Variants in CDH23 observed in about 807,000 individuals in gnomAD.
The protein encoded by CDH23 is cadherin related 23, also known as cadherin-23.
In CDH23, 189 loss-of-function variants were observed where a neutral mutation model predicts 317.1. The ratio of observed to expected loss-of-function variants is 0.60; its 90% confidence interval spans 0.53 to 0.67. CDH23 has a LOEUF of 0.67. CDH23 is among the 30% of genes least tolerant of loss of function. CDH23 has a pLI of 0.00. For missense variants in CDH23, 4,401 were observed against 4,592.4 expected, an observed-to-expected ratio of 0.96 and a Z score of 1.20; for synonymous variants, 1,839 against 1,876.8, an observed-to-expected ratio of 0.98 and a Z score of 0.52.
intron 28 of CDH23, chr10:71,717,779 T>G (rs1381573145): frequency 6.6e-6 from 1 of 152,212 alleles, no homozygotes; most frequent in African/African-American, 2.4e-5. Flanking sequence ...AAATCTGGAT[T>G]TTTTTAAAGG....
chr10:71,651,335 G>A (rs1362380045), intron 14 of CDH23, among the ~76,000 whole-genome samples: 4 of 143,506 alleles, frequency 2.8e-5, no homozygotes. Flanking sequence ...TTCAAGATCA[G>A]CCTGGGCAAC....
At chr10:71,521,295 G>T (rs1854664521) in intron 6 of CDH23, among the ~76,000 whole-genome samples, 1 of 152,150 alleles carries the variant, frequency 6.6e-6, no homozygotes, top group Non-Finnish European at 1.5e-5. Context: ...CGTGGGCTCA[G>T]GCTGGTCCCC....
rs1021365316 is a variant in CDH23, at chr10:71,504,920, C to T, written c.146-5162C>T. Among the ~76,000 whole-genome samples, 5 of 152,272 alleles carry T rather than the reference C, an allele frequency of 3.3e-5. No homozygotes were observed. In the East Asian group the frequency reaches 9.6e-4, roughly 29 times the overall value. On this transcript the variant is annotated intron_variant, in intron 3 of 69. Coordinates refer to ENST00000224721, the MANE Select transcript of CDH23 (RefSeq NM_022124.6). ...GACTTCTAACCTGGCTGTGTGTGAG[C>T]GTCTCCTGCAGGGAGAGTGGGGGCT...
In CDH23 at chr10:71,677,667, T is replaced by C; in HGVS notation, c.1726T>C (p.Ser576Pro). 1 of 1,570,884 alleles carries C rather than the reference T, an allele frequency of 6.4e-7. No homozygotes were observed. Among genetic ancestry groups the C allele is most frequent in the Non-Finnish European group, 8.6e-7 (1 of 1,158,338 alleles). Residue 576 changes from serine to proline, a missense_variant, in exon 16 of 70, where the codon TCT (serine) becomes CCT (proline). Transcript: ENST00000224721. ...GGGTGCTCTGCGGGAGAACGAGCCT[T>C]CTGTCACACAGCTGGTGCGGCTCCG... is the stretch of plus-strand genomic sequence containing the variant. ...YVGALRENEP[S>P]VTQLVRLRAT...
intron 6 of CDH23, among the ~76,000 whole-genome samples, chr10:71,515,394 T>TCTCTCTCTCTCTCTCTCTCTCTCACA: frequency 3.7e-5 from 1 of 26,698 alleles, no homozygotes; most frequent in African/African-American, 8.5e-5. Context: ...TCTCTCTCTC[T>TCTCTCTCTCTCTCTCTCTCTCTCACA]CACACACACA....
In CDH23 at chr10:71,734,270, C is replaced by T. The variant is rs763502163; in HGVS notation, c.4135C>T (p.Arg1379Cys). ...GATCACAGTCCAGGGCCTGGTGGACCGTGAGAAGGGCGACTTCTATACCTT... is the reference window on the plus strand; with the variant it reads ...GATCACAGTCCAGGGCCTGGTGGACTGTGAGAAGGGCGACTTCTATACCTT... ...GVITVQGLVDREKGDFYTLTV... is the reference protein window; with the variant it reads ...GVITVQGLVDCEKGDFYTLTV... Residue 1379 changes from arginine to cysteine, a missense_variant, in exon 33 of 70, where the codon CGT becomes TGT. Arg to Cys is a radical substitution (Grantham distance 180, BLOSUM62 -3). Transcript: ENST00000224721. The T allele has an allele frequency of 1.2e-5, 19 of 1,612,010 alleles. No individual in the cohort carries two copies. Among genetic ancestry groups the T allele is most frequent in the Middle Eastern group, 3.3e-4 (2 of 6,082 alleles).
In CDH23 at chr10:71,793,483, G is replaced by T. The variant is rs2132954257; in HGVS notation, c.6555G>T (p.Glu2185Asp). 5.6e-6 allele frequency: 9 copies of T among 1,614,000 alleles called. No homozygotes were observed. Among genetic ancestry groups the T allele is most frequent in the Non-Finnish European group, 7.6e-6 (9 of 1,179,894 alleles). Residue 2185 changes from glutamate (E) to aspartate (D), a missense_variant, in exon 48 of 70, where the codon GAG becomes GAT. Glu to Asp is a conservative substitution (Grantham distance 45, BLOSUM62 2). Around this residue, in one of 3 missense-constraint regions of CDH23, gnomAD observed 3,068 missense variants for 3,203.3 expected, o/e 0.96. Coordinates refer to ENST00000224721, the MANE Select transcript of CDH23 (RefSeq NM_022124.6). ...CCATCCAGACAGTGAGCGTGCTGGA[G>T]TCGGCTGAGCCAGGCACTGTCATTG... ...LNPIQTVSVLESAEPGTVIAN... is the reference protein window; with the variant it reads ...LNPIQTVSVLDSAEPGTVIAN...
chr10:71,787,547 C>CTT (rs56393936), intron 44 of CDH23, among the ~76,000 whole-genome samples: 30,363 of 152,002 alleles, frequency 0.2, 3,118 homozygotes, highest in African/African-American at 0.25. Flanking sequence ...TCCCATCCTC[C>CTT]CACCCTTCTG....
chr10:71,779,974 G>A (rs1295299527), intron 41 of CDH23, among the ~76,000 whole-genome samples: 1 of 152,226 alleles, frequency 6.6e-6, no homozygotes, highest in Non-Finnish European at 1.5e-5. Context: ...CAGATCCAAA[G>A]GCGCCAGCTA....
intron 3 of CDH23, among the ~76,000 whole-genome samples, chr10:71,459,913 G>T (rs913823047): frequency 6.6e-6 from 1 of 152,194 alleles, no homozygotes; most frequent in Admixed American, 6.5e-5. Flanking sequence ...AGCTCTTGTA[G>T]CTGGTCCTTA....
intron 38 of CDH23, among the ~76,000 whole-genome samples, chr10:71,761,173 T>C (rs1445329832): frequency 2.0e-5 from 3 of 152,064 alleles, no homozygotes; most frequent in Non-Finnish European, 4.4e-5. Context: ...ATCCGAACCA[T>C]GGGCCCTTGC....
intron 6 of CDH23, among the ~76,000 whole-genome samples, chr10:71,559,865 C>T (rs1857041816): frequency 6.6e-6 from 1 of 152,248 alleles, no homozygotes; most frequent in Non-Finnish European, 1.5e-5. Context: ...CCGATTCCTC[C>T]AGGCAGAGAT....
intron 28 of CDH23, among the ~76,000 whole-genome samples, chr10:71,720,420 AACACAC>A (rs57346519): frequency 4.1e-5 from 6 of 145,750 alleles, no homozygotes; most frequent in African/African-American, 1.3e-4. Flanking sequence ...CTCTTTCCAA[AACACAC>A]ACACACACAC....
At chr10:71,428,761 T>G (rs528326082) in intron 1 of CDH23, among the ~76,000 whole-genome samples, 117 of 152,284 alleles carry the variant, frequency 7.7e-4, no homozygotes, top group Non-Finnish European at 1.4e-3. Context: ...GCTAATTTTT[T>G]GTATTTTTAG....
intron 9 of CDH23, among the ~76,000 whole-genome samples, chr10:71,582,656 G>A (rs1000537679): frequency 6.6e-6 from 1 of 152,150 alleles, no homozygotes; most frequent in Non-Finnish European, 1.5e-5. Context: ...TCACAGGCCT[G>A]TGGGGGTTTA....
chr10:71,583,372 G>A (rs574175619), intron 9 of CDH23, among the ~76,000 whole-genome samples: 1 of 152,116 alleles, frequency 6.6e-6, no homozygotes, highest in East Asian at 1.9e-4. Context: ...CACCTGGGGG[G>A]TCTTGGGAGT....
intron 11 of CDH23, among the ~76,000 whole-genome samples, chr10:71,641,783 AAATAATACCTTCTG>A (rs1862562185): frequency 6.6e-6 from 1 of 152,140 alleles, no homozygotes; most frequent in South Asian, 2.1e-4. Flanking sequence ...AAGAGTCCAA[AAATAATACCTTCTG>A]ACCAGACACA....
chr10:71,686,720 C>G (rs1319943555), intron 18 of CDH23, among the ~76,000 whole-genome samples: 1 of 152,182 alleles, frequency 6.6e-6, no homozygotes, highest in Non-Finnish European at 1.5e-5. Context: ...GGGACTCAGC[C>G]TGACTCCTGA....
chr10:71,726,353 A>T (rs1866810216), intron 30 of CDH23, among the ~76,000 whole-genome samples: 1 of 151,840 alleles, frequency 6.6e-6, no homozygotes, highest in African/African-American at 2.4e-5. Context: ...CCCCATCTCC[A>T]CCCCCTGCTT....
Sources: gnomAD v4.1 joint callset for allele counts (sites outside exome capture counted in the v4.1 genomes callset) on GRCh38, gnomAD v4.1.1 for gene constraint, gnomAD v4.1.1 regional missense constraint, MANE v1.5 for transcripts, NCBI Gene and HGNC (gene_info 2026-07-23, HGNC 2026-07-21) for gene names.